SLC6A20: variants seen among roughly 807,000 people sequenced by gnomAD.
SLC6A20 encodes solute carrier family 6 member 20.
SLC6A20 carries 73 observed loss-of-function variants against 64.3 expected under a neutral mutation model. The ratio of observed to expected loss-of-function variants is 1.14; its 90% CI spans 0.94 to 1.38. The LOEUF is 1.38. Ranked by LOEUF, SLC6A20 falls within the 40% of genes most tolerant of loss-of-function variation. The probability of loss-of-function intolerance (pLI) is 0.00; values close to 1 mark genes in which losing one functional copy is unlikely to be tolerated. For missense variants in SLC6A20, 725 were observed against 772.8 expected (o/e 0.94, Z 0.73); for synonymous variants, 347 against 329.6 (o/e 1.05, Z -0.57).
intron 8 of SLC6A20, among the ~76,000 whole-genome samples, chr3:45,763,388 C>T (rs937001713): frequency 2.0e-5 from 3 of 152,164 alleles, no homozygotes; most frequent in Admixed American, 6.5e-5. Flanking sequence ...TCCAGGATCC[C>T]GCCCAGGCTG....
chr3:45,759,218 C>T (rs147117390), intron 10 of SLC6A20, 91 bp from the exon 11 acceptor site: 7 of 1,375,052 alleles, frequency 5.1e-6, no homozygotes, highest in African/African-American at 2.9e-5. Flanking sequence ...GGTGATGTGA[C>T]GTGGGCAGAG....
intron 8 of SLC6A20, among the ~76,000 whole-genome samples, chr3:45,764,712 A>AC (rs1213670861): frequency 2.1e-5 from 3 of 146,222 alleles, no homozygotes; most frequent in Non-Finnish European, 4.5e-5. Flanking sequence ...TAAAAACAAA[A>AC]AAAAAAAAAA....
chr3:45,765,456 C>T lies in SLC6A20; in HGVS notation c.1303+81G>A. 3.4e-6 allele frequency: 5 copies of T among 1,490,676 alleles called. No individual in the cohort carries two copies. The highest frequency in any genetic ancestry group is 4.5e-6 in the Non-Finnish European group (5 of 1,101,750). 92.3% of individuals were successfully genotyped at this position (1,490,676 alleles called of 1,614,324 possible). ...GTAGCCACCTGAACCAGCCCATGAC[C>T]CCTGAGGGAGCTCTCCCCTGTTCAC... On this transcript the variant is annotated intron_variant, in intron 8 of 10. Transcript: ENST00000358525. This position sits in a 1 kb window ranked among gnomAD's most constrained non-coding sequence, Gnocchi z 4.2.
chr3:45,759,860 G>T lies in SLC6A20; in HGVS notation c.1626C>A (p.Ser542=). The change falls in exon 10 of 11, where the codon TCC becomes TCA. Residue 542 remains serine (S), a synonymous_variant. Coordinates refer to ENST00000358525, the MANE Select transcript of SLC6A20 (RefSeq NM_020208.4). ...GTLKYQAWDA[S]QGQLVTKDYP... is the part of the protein sequence containing the mutation. ...GCCCTACGGAGACAGTAGATACCTG[G>T]GAGGCGTCCCAGGCTTGATACTTCA... 1 of 1,612,950 alleles carries T rather than the reference G, an allele frequency of 6.2e-7. No homozygotes were observed. The highest frequency in any genetic ancestry group is 1.1e-5 in the South Asian group (1 of 90,948).
chr3:45,761,116 G>A (rs1186437906), intron 9 of SLC6A20, among the ~76,000 whole-genome samples: 1 of 152,238 alleles, frequency 6.6e-6, no homozygotes, highest in Non-Finnish European at 1.5e-5. Context: ...TTGGACTCTA[G>A]GCTGCAGGCC....
chr3:45,762,060 C>T (rs1040934178), intron 9 of SLC6A20, among the ~76,000 whole-genome samples: 2 of 152,208 alleles, frequency 1.3e-5, no homozygotes, highest in South Asian at 4.1e-4. Context: ...AAACCGCACC[C>T]ACTAGAGCAG....
Position 45,759,952 on chromosome 3 carries a change from C to T in SLC6A20, c.1534G>A (p.Val512Ile), listed in dbSNP as rs1478997348. 1.9e-6 allele frequency: 3 copies of T among 1,614,178 alleles called. No individual in the cohort carries two copies. Among genetic ancestry groups the T allele is most frequent in the Non-Finnish European group, 1.7e-6 (2 of 1,180,026 alleles). Residue 512 changes from valine (V) to isoleucine (I), a missense_variant, in exon 10 of 11, where the codon GTA becomes ATA. Physicochemically the swap from Val to Ile is conservative, Grantham distance 29 (BLOSUM62 3). Coordinates refer to ENST00000358525, the MANE Select transcript of SLC6A20 (RefSeq NM_020208.4). Reference protein sequence around the residue: ...SWYWKVMWAGVSPLLIVSLFV... With the variant: ...SWYWKVMWAGISPLLIVSLFV... ...AGGCTGACAATCAGCAGTGGGCTTA[C>T]GCCAGCCCACATCACCTTCCAGTAC...
chr3:45,771,378 G>A lies in SLC6A20; in HGVS notation c.774C>T (p.Ser258=), dbSNP rs763641125. 1 of 1,614,254 alleles carries A rather than the reference G, an allele frequency of 6.2e-7. No homozygotes were observed. The highest frequency in any genetic ancestry group is 8.5e-7 in the Non-Finnish European group (1 of 1,180,040). ...CATTGTAGCTGGCGAAGGCGATCAG[G>A]CTGCCGAAGCCCAGGCCAAGTGAGA... ...IFFSLGLGFG[S]LIAFASYNEP... The change falls in exon 6 of 11, where the codon AGC becomes AGT. Residue 258 remains serine, a synonymous_variant. Coordinates refer to ENST00000358525, the MANE Select transcript of SLC6A20 (RefSeq NM_020208.4).
chr3:45,779,997 C>T lies in SLC6A20; in HGVS notation c.354+12G>A. The T allele has an allele frequency of 1.3e-6, 2 of 1,592,036 alleles. No individual in the cohort carries two copies. The highest frequency in any genetic ancestry group is 1.7e-6 in the Non-Finnish European group (2 of 1,168,750). On this transcript the variant is annotated intron_variant, in intron 3 of 10. Transcript: ENST00000358525. Reference sequence around the variant, plus strand: ...CTCCTACTCCTGTTCTGGCACGGGCCCCCCGGCTCACCTGGAAGGAGTGGA... The same window carrying T: ...CTCCTACTCCTGTTCTGGCACGGGCTCCCCGGCTCACCTGGAAGGAGTGGA...
chr3:45,791,136 AC>A (rs1700243666), intron 1 of SLC6A20, among the ~76,000 whole-genome samples: 1 of 151,948 alleles, frequency 6.6e-6, no homozygotes, highest in Non-Finnish European at 1.5e-5. Flanking sequence ...TGCTTGGTCC[AC>A]CCCCAACCCC....
At chr3:45,771,081 T>G in intron 6 of SLC6A20, 136 bp downstream of exon 6, 1 of 1,268,710 alleles carries the variant, frequency 7.9e-7, no homozygotes, top group Non-Finnish European at 1.1e-6. Flanking sequence ...CAACTGGTGG[T>G]GGTGTAGGGA....
intron 4 of SLC6A20, 110 bp from the exon 5 acceptor site, chr3:45,772,725 T>G: frequency 1.2e-6 from 1 of 822,560 alleles, no homozygotes; most frequent in Non-Finnish European, 1.9e-6. Flanking sequence ...ACCGCCCAGC[T>G]GCTGACAGCT....
chr3:45,787,027 C>A (rs1700180975), intron 1 of SLC6A20, among the ~76,000 whole-genome samples: 1 of 152,242 alleles, frequency 6.6e-6, no homozygotes, highest in Non-Finnish European at 1.5e-5. Context: ...TTTGTGATTC[C>A]ACCCTCCAGT....
At position 45,758,996 on chromosome 3, in the gene SLC6A20, G is replaced by A. The variant is rs760406850; in HGVS notation, c.1761C>T (p.Asp587=). The A allele has an allele frequency of 9.7e-5, 156 of 1,607,402 alleles. No individual in the cohort carries two copies. The highest frequency in any genetic ancestry group is 1.7e-4 in the Middle Eastern group (1 of 6,054). Reference sequence around the variant, plus strand: ...CCACATCTCAGGCCACGGGGTCTGCGTCTCCCCTCTTGAGGCGACGCTGAA... The same window carrying A: ...CCACATCTCAGGCCACGGGGTCTGCATCTCCCCTCTTGAGGCGACGCTGAA... ...TFVQRRLKRG[D]ADPVA The change falls in exon 11 of 11, where the codon GAC becomes GAT. Residue 587 remains aspartate (D), a synonymous_variant. Transcript: ENST00000358525.
intron 1 of SLC6A20, among the ~76,000 whole-genome samples, chr3:45,789,355 G>A (rs1361604772): frequency 6.6e-6 from 1 of 152,124 alleles, no homozygotes; most frequent in Admixed American, 6.5e-5. Context: ...AAGTAAGGCA[G>A]TACGAAATGT....
At chr3:45,792,714 C>T (rs901568592) in intron 1 of SLC6A20, among the ~76,000 whole-genome samples, 3 of 152,166 alleles carry the variant, frequency 2.0e-5, no homozygotes, top group East Asian at 1.9e-4. Context: ...AAGAGCCAAC[C>T]GGCCCCACCT....
intron 3 of SLC6A20, among the ~76,000 whole-genome samples, chr3:45,776,248 T>C (rs1293391469): frequency 6.6e-6 from 1 of 152,026 alleles, no homozygotes; most frequent in Non-Finnish European, 1.5e-5. Flanking sequence ...ACTACTGAAC[T>C]CTGTGGTGGG....
intron 7 of SLC6A20, among the ~76,000 whole-genome samples, chr3:45,769,150 A>G (rs1372982598): frequency 6.6e-6 from 1 of 152,214 alleles, no homozygotes; most frequent in Non-Finnish European, 1.5e-5. Flanking sequence ...CATTCACAAT[A>G]CAATAAAACA....
At chr3:45,777,593 G>T (rs533541245) in intron 3 of SLC6A20, among the ~76,000 whole-genome samples, 4 of 152,346 alleles carry the variant, frequency 2.6e-5, no homozygotes, top group Non-Finnish European at 4.4e-5. Flanking sequence ...CCCTCTTGGA[G>T]ACCAGCTGTG....
Sources: gnomAD v4.1 joint callset for allele counts (sites outside exome capture counted in the v4.1 genomes callset) on GRCh38, gnomAD v4.1.1 for gene constraint, Gnocchi (gnomAD v3.1) non-coding constraint, MANE v1.5 for transcripts, NCBI Gene and HGNC (gene_info 2026-07-23, HGNC 2026-07-21) for gene names.